TP53BP1: variants seen among roughly 807,000 people sequenced by gnomAD.
The protein encoded by TP53BP1 is tumor protein p53 binding protein 1, also known as TP53-binding protein 1.
Under a neutral mutation model 200.8 loss-of-function variants are expected in TP53BP1, and 61 were observed. The observed-to-expected ratio is 0.30, with a 90% CI of 0.25 to 0.38. TP53BP1 has a LOEUF of 0.38. Among genes scored for constraint, TP53BP1 ranks in the 10% least tolerant of loss-of-function variants. The probability of loss-of-function intolerance (pLI) is 1.00; values close to 1 mark genes in which losing one functional copy is unlikely to be tolerated. For synonymous variants in TP53BP1, 822 were observed against 844.3 expected, an observed-to-expected ratio of 0.97 and a Z score of 0.46; for missense variants, 2,144 against 2,371.9, an observed-to-expected ratio of 0.90 and a Z score of 2.00.
chr15:43,450,387 C>T (rs575605235), intron 12 of TP53BP1, among the ~76,000 whole-genome samples: 3 of 152,192 alleles, frequency 2.0e-5, no homozygotes, highest in East Asian at 1.9e-4. Flanking sequence ...ATATATCCGG[C>T]GATATCATGC....
intron 15 of TP53BP1, 62 bp downstream of exon 15, chr15:43,441,464 C>A (rs2045923172): frequency 1.8e-6 from 2 of 1,084,042 alleles, no homozygotes; most frequent in Non-Finnish European, 2.8e-6. Context: ...TGTTGATAAA[C>A]CATCTACCCT....
intron 1 of TP53BP1, among the ~76,000 whole-genome samples, 177 bp downstream of exon 1, chr15:43,492,860 C>T (rs1437482706): frequency 6.6e-6 from 1 of 151,074 alleles, no homozygotes; most frequent in African/African-American, 2.4e-5. Context: ...CAGCTTTCCT[C>T]ACGACCACCA....
intron 14 of TP53BP1, among the ~76,000 whole-genome samples, 173 bp downstream of exon 14, chr15:43,446,214 G>GT (rs1270494603): frequency 1.3e-5 from 2 of 152,112 alleles, no homozygotes; most frequent in Admixed American, 1.3e-4. Flanking sequence ...ATAAAACAGA[G>GT]TATCTTTAGT....
chr15:43,477,515 CT>C, intron 8 of TP53BP1, 77 bp downstream of exon 8: 1 of 1,370,528 alleles, frequency 7.3e-7, no homozygotes, highest in Non-Finnish European at 9.7e-7. Context: ...TGCTTTGTAA[CT>C]TAACCAGTAG....
Position 43,469,982 on chromosome 15 carries a change from A to G in TP53BP1, c.1265T>C (p.Leu422Ser). ...KKLQSGEPVE[L>S]ENPPLLPEST... ...CTCAGGCAGGAGAGGGGGGTTTTCTAACTCCACTGGTTCACCACTTTGAAG... is the reference window on the plus strand; with the variant it reads ...CTCAGGCAGGAGAGGGGGGTTTTCTGACTCCACTGGTTCACCACTTTGAAG... The change falls in exon 11 of 28, where the codon TTA becomes TCA. Residue 422 changes from leucine (L) to serine (S), a missense_variant. Leu to Ser is a moderately radical substitution (Grantham distance 145). Around this residue, in one of 4 missense-constraint regions of TP53BP1, gnomAD observed 1,700 missense variants for 1,710.3 expected, o/e 0.99. Transcript: ENST00000382044. 6.2e-7 allele frequency: 1 copy of G among 1,613,952 alleles called. No homozygotes were observed. Among genetic ancestry groups the G allele is most frequent in the Non-Finnish European group, 8.5e-7 (1 of 1,180,016 alleles).
rs2045051499 is a variant in TP53BP1 at position 43,409,759 on chromosome 15, AC to A, written c.5306-19del. ...CAAAAATTCTATATTAAAAAAAAAAACCAAGATAATAATTACTGAGTGGTTT... is the reference window on the plus strand; with the variant it reads ...CAAAAATTCTATATTAAAAAAAAAAACAAGATAATAATTACTGAGTGGTTT... On this transcript the variant is annotated intron_variant, in intron 24 of 27. Transcript: ENST00000382044. 7.7e-6 allele frequency: 9 copies of A among 1,167,838 alleles called. No homozygotes were observed. Among genetic ancestry groups the A allele is most frequent in the East Asian group, 2.6e-5 (1 of 38,672 alleles). The allele number at this position is 1,167,838 out of a possible 1,614,324, so 72.3% of individuals were successfully genotyped here.
chr15:43,469,729 G>T, intron 11 of TP53BP1, 129 bp downstream of exon 11: 1 of 820,064 alleles, frequency 1.2e-6, no homozygotes, highest in Non-Finnish European at 1.9e-6. Context: ...TCACAACTCT[G>T]TAAATTTACT....
rs2045262938 is a variant in TP53BP1 at position 43,416,222 on chromosome 15, T to C, written c.4873+3A>G. The C allele has an allele frequency of 6.2e-7, 1 of 1,611,630 alleles. No individual in the cohort carries two copies. The highest frequency in any genetic ancestry group is 8.5e-7 in the Non-Finnish European group (1 of 1,179,306). On this transcript the variant is annotated splice_donor_region_variant and intron_variant, in intron 22 of 27. Coordinates refer to ENST00000382044, the MANE Select transcript of TP53BP1 (RefSeq NM_001141980.3). ...GCAGCTGTTCAGGAAGCAAAAGTCT[T>C]ACCTAAGCTGATATCTGCTGCCTTT...
chr15:43,435,031 C>T (rs1360187011), intron 16 of TP53BP1, among the ~76,000 whole-genome samples: 6 of 152,010 alleles, frequency 3.9e-5, no homozygotes, highest in African/African-American at 9.7e-5. Context: ...GAAGCCAAGA[C>T]GGGTGGATCA....
chr15:43,501,129 T>G (rs931603767), intron 1 of TP53BP1, among the ~76,000 whole-genome samples: 6 of 152,234 alleles, frequency 3.9e-5, no homozygotes, highest in African/African-American at 1.4e-4. Flanking sequence ...CATTTTGTTT[T>G]TTATTTTTAG....
In TP53BP1 at chr15:43,432,540, T is replaced by C. The variant is rs2045696319; in HGVS notation, c.3329A>G (p.Gln1110Arg). 4 of 1,614,086 alleles carry C rather than the reference T, an allele frequency of 2.5e-6. No individual in the cohort carries two copies. Among genetic ancestry groups the C allele is most frequent in the African/African-American group, 1.3e-5 (1 of 74,934 alleles). Reference sequence around the variant, plus strand: ...GGATGGCCCTTGTATGACCATCTTCTGGGAAGCAGGAGAAACAGGGTCCTT... The same window carrying C: ...GGATGGCCCTTGTATGACCATCTTCCGGGAAGCAGGAGAAACAGGGTCCTT... ...PVKDPVSPAS[Q>R]KMVIQGPSSP... Residue 1110 changes from glutamine (Q) to arginine (R), a missense_variant, in exon 17 of 28, where the codon CAG becomes CGG. By Grantham distance (43) the Gln-to-Arg change is conservative. Around this residue, in one of 4 missense-constraint regions of TP53BP1, gnomAD observed 1,700 missense variants for 1,710.3 expected, o/e 0.99. Transcript: ENST00000382044.
chr15:43,495,539 C>G (rs1345128777), upstream of TP53BP1, among the ~76,000 whole-genome samples: 4 of 124,248 alleles, frequency 3.2e-5, no homozygotes, highest in African/African-American at 1.3e-4. Context: ...ACACAAAAGC[C>G]AGGTGCGGTA....
intron 16 of TP53BP1, 48 bp from the exon 17 acceptor site, chr15:43,432,725 G>A: frequency 6.5e-7 from 1 of 1,546,080 alleles, no homozygotes; most frequent in Non-Finnish European, 8.7e-7. Flanking sequence ...GCAAGTGTAT[G>A]TGTGAACGTG....
intron 15 of TP53BP1, chr15:43,441,269 G>C (rs962449058): frequency 8.8e-6 from 3 of 340,970 alleles, no homozygotes; most frequent in Non-Finnish European, 1.6e-5. Context: ...CAGAAAAAAG[G>C]GGGGAAAGGA....
rs200273925 is a variant in TP53BP1, at chr15:43,455,971, C to T, written c.2637G>A (p.Gln879=). ...TEDSKMANAK[Q]LSSDAEAQKL... is the part of the protein sequence containing the mutation. The stretch of plus-strand genomic sequence containing the variant: ...TCTGGGCCTCTGCATCTGAGCTTAG[C>T]TGCTTTGCATTAGCCATTTTTGAGT... Residue 879 remains glutamine, a synonymous_variant, in exon 12 of 28, where the codon CAG becomes CAA. Transcript: ENST00000382044. The T allele has an allele frequency of 2.5e-6, 4 of 1,614,070 alleles. No individual in the cohort carries two copies. Among genetic ancestry groups the T allele is most frequent in the Middle Eastern group, 3.3e-4 (2 of 6,082 alleles).
At position 43,421,931 on chromosome 15, in the gene TP53BP1, G is replaced by A; in HGVS notation, c.4024C>T (p.Leu1342Phe). 1.2e-6 allele frequency: 2 copies of A among 1,614,198 alleles called. No individual in the cohort carries two copies. Among genetic ancestry groups the A allele is most frequent in the Non-Finnish European group, 1.7e-6 (2 of 1,180,036 alleles). The change falls in exon 19 of 28, where the codon CTC (leucine) becomes TTC (phenylalanine). Residue 1342 changes from leucine (L) to phenylalanine (F), a missense_variant. Physicochemically the swap from Leu to Phe is conservative, Grantham distance 22. Around this residue, in one of 4 missense-constraint regions of TP53BP1, gnomAD observed 1,700 missense variants for 1,710.3 expected, o/e 0.99. Transcript: ENST00000382044. ...TCTGTCCCGCTGGTTTTCCCTCTGAGTGGTCCGGCTCCTTTCCCTGAGCTT... is the reference window on the plus strand; with the variant it reads ...TCTGTCCCGCTGGTTTTCCCTCTGAATGGTCCGGCTCCTTTCCCTGAGCTT... ...SGSSGKGAGP[L>F]RGKTSGTEPA...
Position 43,477,586 on chromosome 15 carries a change from T to C in TP53BP1, c.955+7A>G. 1 of 1,604,748 alleles carries C rather than the reference T, an allele frequency of 6.2e-7. No individual in the cohort carries two copies. Among genetic ancestry groups the C allele is most frequent in the Non-Finnish European group, 8.5e-7 (1 of 1,177,148 alleles). ...GAAGAGCTGTAACGACAAATCACTCTTGGTACCTGTTTTATTGCTCTGGTC... is the reference window on the plus strand; with the variant it reads ...GAAGAGCTGTAACGACAAATCACTCCTGGTACCTGTTTTATTGCTCTGGTC... On this transcript the variant is annotated splice_region_variant and intron_variant, in intron 8 of 27. Transcript: ENST00000382044.
At position 43,405,459 on chromosome 15, in the gene TP53BP1, T is replaced by C; in HGVS notation, c.*1924A>G. On this transcript the variant is annotated 3_prime_UTR_variant, in exon 28 of 28. Coordinates refer to ENST00000382044, the MANE Select transcript of TP53BP1 (RefSeq NM_001141980.3). ...CTCTGATCCTTTACATTGAGAACAT[T>C]TGTTGGATATGTTCATTTATTCAAT... is the stretch of plus-strand genomic sequence containing the variant. The C allele has an allele frequency of 1.7e-6, 1 of 571,676 alleles. No homozygotes were observed. Among genetic ancestry groups the C allele is most frequent in the Non-Finnish European group, 3.1e-6 (1 of 321,026 alleles). 35.4% of individuals were successfully genotyped at this position (571,676 alleles called of 1,614,324 possible). A position where few individuals can be genotyped will look rare whatever the true frequency, so the allele number is the denominator to read the frequency against.
Position 43,456,085 on chromosome 15 carries a change from A to T in TP53BP1, c.2523T>A (p.Pro841=). The change falls in exon 12 of 28, where the codon CCT becomes CCA. Residue 841 remains proline (P), a synonymous_variant. Coordinates refer to ENST00000382044, the MANE Select transcript of TP53BP1 (RefSeq NM_001141980.3). ...VEQDSSQPSL[P]LVRADDPLRL... ...TTAAAGGATCATCTGCTCTCACTAA[A>T]GGTAAGGAAGGCTGTGAAGAATCTT... The T allele has an allele frequency of 6.2e-7, 1 of 1,614,206 alleles. No individual in the cohort carries two copies. Among genetic ancestry groups the T allele is most frequent in the Non-Finnish European group, 8.5e-7 (1 of 1,180,030 alleles).
Sources: gnomAD v4.1 joint callset for allele counts (sites outside exome capture counted in the v4.1 genomes callset) on GRCh38, gnomAD v4.1.1 for gene constraint, gnomAD v4.1.1 regional missense constraint, MANE v1.5 for transcripts, NCBI Gene and HGNC (gene_info 2026-07-23, HGNC 2026-07-21) for gene names.